Variants in SLC27A2 observed in about 807,000 individuals in gnomAD.
SLC27A2 encodes solute carrier family 27 member 2, also known as long-chain fatty acid transport protein 2.
A neutral mutation model predicts 60.0 loss-of-function variants in SLC27A2; 54 were observed. The observed-to-expected ratio is 0.90, with a 90% confidence interval of 0.72 to 1.13. The LOEUF (loss-of-function observed/expected upper bound fraction) is 1.13, where lower values mean the gene tolerates loss of function less well. SLC27A2 is among the 50% of genes most tolerant of loss of function. The pLI is 0.00. For missense variants in SLC27A2, 739 were observed against 777.6 expected, an observed-to-expected ratio of 0.95 and a Z score of 0.59; for synonymous variants, 297 against 297.6, an observed-to-expected ratio of 1.00 and a Z score of 0.02.
chr15:50,190,284 T>C (rs2044962960), intron 1 of SLC27A2, among the ~76,000 whole-genome samples: 1 of 152,260 alleles, frequency 6.6e-6, no homozygotes, highest in Admixed American at 6.5e-5. Flanking sequence ...CTTTTCTGAA[T>C]GAAGAAAAGA....
At chr15:50,232,933 T>C (rs2045325747) in intron 8 of SLC27A2, among the ~76,000 whole-genome samples, 1 of 152,164 alleles carries the variant, frequency 6.6e-6, no homozygotes, top group Admixed American at 6.5e-5. Context: ...GAGGCTCCTG[T>C]CTCCTCTCTG....
chr15:50,212,003 A>C (rs1477000055), intron 4 of SLC27A2, among the ~76,000 whole-genome samples: 1 of 148,768 alleles, frequency 6.7e-6, no homozygotes, highest in Non-Finnish European at 1.5e-5. Flanking sequence ...CCTGGGAGGC[A>C]GAGCTTGCAG....
At chr15:50,204,685 A>T (rs558161938) in intron 3 of SLC27A2, among the ~76,000 whole-genome samples, 16 of 151,814 alleles carry the variant, frequency 1.1e-4, no homozygotes, top group Non-Finnish European at 2.1e-4. Flanking sequence ...GTGAGTCGAG[A>T]TGGCACCACT....
At chr15:50,190,289 A>T (rs963027510) in intron 1 of SLC27A2, among the ~76,000 whole-genome samples, 1 of 152,240 alleles carries the variant, frequency 6.6e-6, no homozygotes, top group Non-Finnish European at 1.5e-5. Context: ...CTGAATGAAG[A>T]AAAGAGATAA....
rs1375506038 is a variant in SLC27A2 at position 50,182,393 on chromosome 15, C to A, written c.-35C>A. On this transcript the variant is annotated 5_prime_UTR_variant, in exon 1 of 10. In the 5' UTR this introduces an upstream ATG that the reference lacks. Coordinates refer to ENST00000267842, the MANE Select transcript of SLC27A2 (RefSeq NM_003645.4). The stretch of plus-strand genomic sequence containing the variant: ...GCGCTGCACGCCCGGGGTGAACCCT[C>A]TGCCCTCGCTGGGACAGAGGGCCCC... 1 of 1,543,474 alleles carries A rather than the reference C, an allele frequency of 6.5e-7. No homozygotes were observed. The highest frequency in any genetic ancestry group is 2.3e-5 in the East Asian group (1 of 43,000).
chr15:50,218,650 AC>A (rs2045220071), intron 4 of SLC27A2, among the ~76,000 whole-genome samples: 1 of 152,200 alleles, frequency 6.6e-6, no homozygotes, highest in Admixed American at 6.5e-5. Context: ...CCAAATCATC[AC>A]TCAGATATAC....
chr15:50,182,628 A>G lies in SLC27A2; in HGVS notation c.201A>G (p.Pro67=). 1 of 1,613,950 alleles carries G rather than the reference A, an allele frequency of 6.2e-7. No individual in the cohort carries two copies. Among genetic ancestry groups the G allele is most frequent in the Non-Finnish European group, 8.5e-7 (1 of 1,179,904 alleles). ...RAFLEKARQT[P]HKPFLLFRDE... ...TCCTGGAGAAAGCGCGCCAGACGCC[A>G]CACAAGCCTTTTCTGCTCTTCCGCG... The change falls in exon 1 of 10, where the codon CCA becomes CCG. Residue 67 remains proline (P), a synonymous_variant. Transcript: ENST00000267842.
chr15:50,229,072 C>T (rs781604298), intron 8 of SLC27A2, 30 bp downstream of exon 8: 7 of 1,438,914 alleles, frequency 4.9e-6, no homozygotes, highest in Middle Eastern at 3.5e-4. Context: ...TGTACCTAAC[C>T]CATAGAGTAA....
Position 50,196,066 on chromosome 15 carries a change from A to AAT in SLC27A2, c.479-1433_479-1432insTA, listed in dbSNP as rs1567428304. On this transcript the variant is annotated intron_variant, in intron 1 of 9. Transcript: ENST00000267842. ...CAGACTCTGTCTCAAAAAAAAAAAA[A>AAT]AAAAAAAAAAAATATATATATATAT... Among the ~76,000 whole-genome samples the AAT allele has an allele frequency of 6.1e-3, 144 of 23,770 alleles. 27 individuals are homozygous for AAT. Among genetic ancestry groups the AAT allele is most frequent in the Non-Finnish European group, 9.9e-3 (111 of 11,260 alleles). The allele number at this position is 23,770 out of a possible 152,430, so 15.6% of individuals were successfully genotyped here. A position where few individuals can be genotyped will look rare whatever the true frequency, so the allele number is the denominator to read the frequency against.
chr15:50,207,143 A>G (rs1422044285), intron 4 of SLC27A2, among the ~76,000 whole-genome samples: 1 of 151,994 alleles, frequency 6.6e-6, no homozygotes, highest in Admixed American at 6.6e-5. Context: ...TTGTTTCTGT[A>G]TGTTCTAATG....
intron 4 of SLC27A2, among the ~76,000 whole-genome samples, chr15:50,213,768 A>T (rs556517708): frequency 1.3e-5 from 2 of 152,168 alleles, no homozygotes; most frequent in South Asian, 4.1e-4. Flanking sequence ...CTGAACGACA[A>T]TAATGACACA....
chr15:50,216,516 A>G (rs1426611784), intron 4 of SLC27A2, among the ~76,000 whole-genome samples: 2 of 151,112 alleles, frequency 1.3e-5, no homozygotes, highest in Non-Finnish European at 2.9e-5. Context: ...ACGCATTTTT[A>G]TAGCAGCACA....
chr15:50,212,306 C>A (rs934957384), intron 4 of SLC27A2, among the ~76,000 whole-genome samples: 2 of 152,052 alleles, frequency 1.3e-5, no homozygotes, highest in East Asian at 3.9e-4. Flanking sequence ...GATTAAAAGA[C>A]CAAACCTAAG....
chr15:50,219,328 G>C (rs1213687650), intron 4 of SLC27A2, among the ~76,000 whole-genome samples: 1 of 152,206 alleles, frequency 6.6e-6, no homozygotes, highest in Non-Finnish European at 1.5e-5. Context: ...GTGGGAACAG[G>C]TAGATGGCGT....
intron 7 of SLC27A2, among the ~76,000 whole-genome samples, chr15:50,228,254 G>A (rs1227519005): frequency 6.6e-6 from 1 of 151,738 alleles, no homozygotes; most frequent in African/African-American, 2.4e-5. Context: ...GCACGCGCCT[G>A]TAGTCCCAGC....
chr15:50,231,784 C>T (rs561139612), intron 8 of SLC27A2, among the ~76,000 whole-genome samples: 1 of 152,142 alleles, frequency 6.6e-6, no homozygotes, highest in East Asian at 1.9e-4. Context: ...GGATGAGGAG[C>T]AGGTGTGTTC....
intron 4 of SLC27A2, among the ~76,000 whole-genome samples, chr15:50,220,992 CAGG>C (rs2045238295): frequency 6.6e-6 from 1 of 151,954 alleles, no homozygotes; most frequent in Admixed American, 6.6e-5. Context: ...AGCTTGAGGC[CAGG>C]AGTTCAAAAT....
intron 4 of SLC27A2, among the ~76,000 whole-genome samples, chr15:50,212,458 C>T (rs2045165195): frequency 6.6e-6 from 1 of 152,216 alleles, no homozygotes; most frequent in African/African-American, 2.4e-5. Context: ...GGAAATTCAT[C>T]ACATAAAGAT....
intron 4 of SLC27A2, among the ~76,000 whole-genome samples, chr15:50,219,408 ACTCT>A (rs923162322): frequency 6.6e-6 from 1 of 150,830 alleles, no homozygotes; most frequent in East Asian, 1.9e-4. Flanking sequence ...TGTGTGTGGC[ACTCT>A]CTCTTTGTTG....
Sources: gnomAD v4.1 joint callset for allele counts (sites outside exome capture counted in the v4.1 genomes callset) on GRCh38, gnomAD v4.1.1 for gene constraint, MANE v1.5 for transcripts, NCBI Gene and HGNC (gene_info 2026-07-23, HGNC 2026-07-21) for gene names.